Variants in KCNH1 observed in about 807,000 individuals in gnomAD.
KCNH1 encodes the protein voltage-gated delayed rectifier potassium channel KCNH1.
In KCNH1, 27 loss-of-function variants were observed where a neutral mutation model predicts 69.2. The ratio of observed to expected loss-of-function variants is 0.39; its 90% CI spans 0.29 to 0.54. The LOEUF is 0.54. Ranked by LOEUF, KCNH1 falls within the 20% of genes least tolerant of loss-of-function variation. KCNH1 has a pLI of 0.68. For synonymous variants in KCNH1, 456 were observed against 487.7 expected (o/e 0.93, Z 0.86); for missense variants, 798 against 1,261.6 (o/e 0.63, Z 5.57).
At chr1:211,043,878 C>CA (rs1332216621) in intron 5 of KCNH1, among the ~76,000 whole-genome samples, 2 of 152,154 alleles carry the variant, frequency 1.3e-5, no homozygotes, top group Non-Finnish European at 2.9e-5. Flanking sequence ...AAGCATTCGA[C>CA]AAAATCCAGC....
At chr1:211,002,081 C>A (rs1161449115) in intron 6 of KCNH1, among the ~76,000 whole-genome samples, 3 of 151,840 alleles carry the variant, frequency 2.0e-5, no homozygotes, top group Non-Finnish European at 4.4e-5. Context: ...TTAATGGGTG[C>A]AGCACACCAA....
intron 10 of KCNH1, among the ~76,000 whole-genome samples, chr1:210,729,441 A>G (rs1040205972): frequency 2.0e-5 from 3 of 152,222 alleles, no homozygotes; most frequent in Admixed American, 6.5e-5. Flanking sequence ...CGGCAGAGGA[A>G]GTTCAAATAT....
chr1:211,100,806 T>A (rs2102481309), intron 3 of KCNH1, among the ~76,000 whole-genome samples: 1 of 152,358 alleles, frequency 6.6e-6, no homozygotes, highest in South Asian at 2.1e-4. Flanking sequence ...CTGTCCTTGC[T>A]ACTCAGAGTG....
intron 6 of KCNH1, among the ~76,000 whole-genome samples, chr1:210,950,980 G>T (rs918790635): frequency 2.0e-5 from 3 of 152,116 alleles, no homozygotes; most frequent in Admixed American, 2.0e-4. Context: ...GAAAATAAAA[G>T]TTTAACAAGA....
chr1:210,895,663 G>T (rs1257589438), intron 7 of KCNH1, among the ~76,000 whole-genome samples: 1 of 152,050 alleles, frequency 6.6e-6, no homozygotes, highest in Non-Finnish European at 1.5e-5. Context: ...ACCAACAGGG[G>T]TCTACAGACA....
At chr1:210,987,136 A>G (rs1298596979) in intron 6 of KCNH1, among the ~76,000 whole-genome samples, 1 of 152,170 alleles carries the variant, frequency 6.6e-6, no homozygotes, top group Admixed American at 6.5e-5. Flanking sequence ...CAGCTCCATC[A>G]GGTCCTTTAA....
chr1:210,864,671 A>C (rs1686066034), intron 7 of KCNH1, among the ~76,000 whole-genome samples: 1 of 152,220 alleles, frequency 6.6e-6, no homozygotes, highest in Non-Finnish European at 1.5e-5. Flanking sequence ...TGCTTGTCCC[A>C]AAACAAATCA....
chr1:211,102,244 A>C (rs1454677793), intron 3 of KCNH1, among the ~76,000 whole-genome samples: 1 of 152,224 alleles, frequency 6.6e-6, no homozygotes, highest in Non-Finnish European at 1.5e-5. Context: ...TAGTGCTGCC[A>C]ACGTGGAAAA....
intron 7 of KCNH1, among the ~76,000 whole-genome samples, chr1:210,894,839 A>G (rs1021089166): frequency 2.6e-5 from 4 of 152,166 alleles, no homozygotes; most frequent in Non-Finnish European, 4.4e-5. Flanking sequence ...ACCATGAGCT[A>G]AATAAACTCT....
intron 6 of KCNH1, among the ~76,000 whole-genome samples, chr1:210,938,405 G>A (rs1474469028): frequency 1.3e-5 from 2 of 152,028 alleles, no homozygotes; most frequent in Non-Finnish European, 1.5e-5. Flanking sequence ...TGAATATTGT[G>A]CCATGTGAAT....
At chr1:210,878,690 C>G (rs528079835) in intron 7 of KCNH1, among the ~76,000 whole-genome samples, 2 of 151,790 alleles carry the variant, frequency 1.3e-5, no homozygotes, top group Non-Finnish European at 2.9e-5. Context: ...GAAGAAAGAT[C>G]TAAAATCAAT....
At chr1:210,934,517 T>A (rs917603070) in intron 6 of KCNH1, among the ~76,000 whole-genome samples, 22 of 152,136 alleles carry the variant, frequency 1.4e-4, no homozygotes, top group Non-Finnish European at 2.5e-4. Context: ...CTTGCGCCTG[T>A]AGTCCCAGCT....
At chr1:210,840,404 A>G (rs907128696) in intron 7 of KCNH1, among the ~76,000 whole-genome samples, 19 of 152,222 alleles carry the variant, frequency 1.2e-4, no homozygotes, top group African/African-American at 4.6e-4. Context: ...CAAAAGAAAG[A>G]AAAAAGCCAA....
intron 7 of KCNH1, among the ~76,000 whole-genome samples, chr1:210,828,087 C>T (rs1258302548): frequency 6.6e-6 from 1 of 152,134 alleles, no homozygotes; most frequent in Non-Finnish European, 1.5e-5. Context: ...AGGTGATCCA[C>T]TCTTCTCAGC....
intron 1 of KCNH1, among the ~76,000 whole-genome samples, chr1:211,122,626 C>G (rs1183777176): frequency 6.6e-6 from 1 of 152,192 alleles, no homozygotes; most frequent in Non-Finnish European, 1.5e-5. Flanking sequence ...TACATATACA[C>G]CATGGAATAC....
chr1:210,969,859 T>C (rs1253359946), intron 6 of KCNH1, among the ~76,000 whole-genome samples: 1 of 152,152 alleles, frequency 6.6e-6, no homozygotes, highest in Non-Finnish European at 1.5e-5. Context: ...TAAATTTCCA[T>C]CTAAGTAATG....
rs534409863 is a variant in KCNH1, at chr1:210,828,079, G to A, written c.1463-23913C>T. Among the ~76,000 whole-genome samples the A allele has an allele frequency of 4.6e-5, 7 of 152,178 alleles. No individual in the cohort carries two copies. The East Asian group carries it at 5.8e-4, about 13-fold the overall frequency. ...GCTGGTCTTGAACTCCTGACCTCAG[G>A]TGATCCACTCTTCTCAGCCTCCCAA... is the stretch of plus-strand genomic sequence containing the variant. On this transcript the variant is annotated intron_variant, in intron 7 of 10. Coordinates refer to ENST00000271751, the MANE Select transcript of KCNH1 (RefSeq NM_172362.3).
At chr1:210,690,705 CATG>C (rs961820508) in intron 10 of KCNH1, among the ~76,000 whole-genome samples, 33 of 152,290 alleles carry the variant, frequency 2.2e-4, no homozygotes, top group African/African-American at 7.7e-4. Flanking sequence ...TCCTCGGTAT[CATG>C]ATGAATACAT....
intron 5 of KCNH1, among the ~76,000 whole-genome samples, chr1:211,033,238 C>T (rs1405851611): frequency 2.6e-5 from 4 of 152,104 alleles, no homozygotes; most frequent in African/African-American, 9.7e-5. Context: ...GTTAGAATGG[C>T]GATCATTAAA....
Sources: gnomAD v4.1 joint callset for allele counts (sites outside exome capture counted in the v4.1 genomes callset) on GRCh38, gnomAD v4.1.1 for gene constraint, MANE v1.5 for transcripts, NCBI Gene and HGNC (gene_info 2026-07-23, HGNC 2026-07-21) for gene names.